IQCK: variants seen among roughly 807,000 people sequenced by gnomAD.
IQCK encodes the protein IQ motif containing K, also known as IQ domain-containing protein K.
In IQCK, 29 loss-of-function variants were observed where a neutral mutation model predicts 28.1. That is an observed-to-expected ratio of 1.03 (90% CI 0.77 to 1.41). The LOEUF is 1.41. Among genes scored for constraint, IQCK ranks in the 40% most tolerant of loss-of-function variants. The probability of loss-of-function intolerance (pLI) is 0.00; values close to 1 mark genes in which losing one functional copy is unlikely to be tolerated. For synonymous variants in IQCK, 113 were observed against 115.1 expected, an observed-to-expected ratio of 0.98 and a Z score of 0.12; for missense variants, 359 against 314.7, an observed-to-expected ratio of 1.14 and a Z score of -1.07.
intron 9 of IQCK, among the ~76,000 whole-genome samples, chr16:19,844,698 T>A (rs1362561186): frequency 2.0e-5 from 3 of 152,178 alleles, no homozygotes; most frequent in African/African-American, 7.2e-5. Context: ...CGGTTGAAAC[T>A]CAAAGGATGT....
At chr16:19,833,403 A>AT (rs2056257160) in intron 9 of IQCK, among the ~76,000 whole-genome samples, 1 of 152,202 alleles carries the variant, frequency 6.6e-6, no homozygotes, top group African/African-American at 2.4e-5. Context: ...GGCCTCAAAA[A>AT]TGTTCCTATA....
At chr16:19,821,285 T>C (rs931419087) in intron 7 of IQCK, among the ~76,000 whole-genome samples, 2 of 152,366 alleles carry the variant, frequency 1.3e-5, no homozygotes, top group Non-Finnish European at 1.5e-5. Flanking sequence ...CCTCATTCAT[T>C]GCTGGTGAGA....
intron 6 of IQCK, among the ~76,000 whole-genome samples, chr16:19,774,397 A>G (rs893471613): frequency 1.7e-5 from 2 of 120,498 alleles, no homozygotes; most frequent in African/African-American, 3.8e-5. Context: ...TTTAGCTAAT[A>G]CTTTTTTTTT....
intron 1 of IQCK, among the ~76,000 whole-genome samples, chr16:19,728,334 C>T (rs751374283): frequency 3.9e-5 from 6 of 152,100 alleles, no homozygotes; most frequent in Admixed American, 6.6e-5. Flanking sequence ...CTGCAACCTC[C>T]ACCTCCCTGG....
intron 6 of IQCK, among the ~76,000 whole-genome samples, chr16:19,773,805 T>G (rs60593225): frequency 0.069 from 10,556 of 152,126 alleles, 1,188 homozygotes; most frequent in African/African-American, 0.23. Context: ...AAAACCAACA[T>G]AATTAGAAGT....
intron 9 of IQCK, among the ~76,000 whole-genome samples, chr16:19,853,632 C>CTTT (rs2056514506): frequency 6.6e-6 from 1 of 152,092 alleles, no homozygotes; most frequent in African/African-American, 2.4e-5. Context: ...AGCTATCTCT[C>CTTT]TCTCTCTTTT....
intron 9 of IQCK, among the ~76,000 whole-genome samples, chr16:19,844,587 A>G (rs753729286): frequency 1.6e-4 from 24 of 152,206 alleles, no homozygotes; most frequent in African/African-American, 2.2e-4. Flanking sequence ...CTAAAAATGT[A>G]GCTTTGTTTG....
chr16:19,772,457 T>A (rs2055332245), intron 6 of IQCK, among the ~76,000 whole-genome samples: 1 of 152,114 alleles, frequency 6.6e-6, no homozygotes, highest in African/African-American at 2.4e-5. Flanking sequence ...ATTAAAAAAT[T>A]ATTATTTAAG....
chr16:19,809,785 G>A (rs750738454), intron 7 of IQCK, among the ~76,000 whole-genome samples: 8 of 152,162 alleles, frequency 5.3e-5, no homozygotes, highest in South Asian at 2.1e-4. Context: ...ACACACAGCC[G>A]ATGGGCCCCA....
At chr16:19,848,378 T>A (rs1468375607) in intron 9 of IQCK, among the ~76,000 whole-genome samples, 1 of 152,258 alleles carries the variant, frequency 6.6e-6, no homozygotes, top group Non-Finnish European at 1.5e-5. Context: ...ACCCATGCTC[T>A]GAGTTTGGGG....
chr16:19,843,326 AC>A (rs991442834), intron 9 of IQCK, among the ~76,000 whole-genome samples: 1 of 151,974 alleles, frequency 6.6e-6, no homozygotes, highest in African/African-American at 2.4e-5. Context: ...CATTTTCATC[AC>A]CCCCAGAAGA....
intron 1 of IQCK, 59 bp downstream of exon 1, chr16:19,718,546 T>A (rs1977339923): frequency 3.5e-6 from 5 of 1,431,698 alleles, no homozygotes; most frequent in South Asian, 1.4e-5. Flanking sequence ...GGGGGCCGCG[T>A]TTGGGGAGCG....
intron 9 of IQCK, among the ~76,000 whole-genome samples, chr16:19,836,142 T>C (rs2056293688): frequency 6.6e-6 from 1 of 152,268 alleles, no homozygotes; most frequent in African/African-American, 2.4e-5. Context: ...GATAGGACCA[T>C]GGCTCCTTCA....
intron 7 of IQCK, among the ~76,000 whole-genome samples, chr16:19,791,507 CCCAGTATGTAA>C (rs1382690133): frequency 1.8e-5 from 2 of 112,072 alleles, no homozygotes; most frequent in Non-Finnish European, 3.1e-5. Context: ...TACCCAGAAG[CCCAGTATGTAA>C]CCAGTATGTA....
chr16:19,739,286 C>CT lies in IQCK; in HGVS notation c.474+3839dup, dbSNP rs1399028153. On this transcript the variant is annotated intron_variant, in intron 4 of 7. Coordinates refer to ENST00000564186, the Ensembl canonical transcript of IQCK. ...AAATCTGGGGACCTCAGTCCCCACT[C>CT]TTTCTCCTGATGTGCTACTACAGTC... 1.5e-4 allele frequency among the ~76,000 whole-genome samples: 23 copies of CT among 152,342 alleles called. No individual in the cohort carries two copies. The East Asian group carries it at 4.4e-3, about 29-fold the overall frequency.
At chr16:19,849,449 G>T (rs1182594240) in intron 9 of IQCK, among the ~76,000 whole-genome samples, 1 of 151,786 alleles carries the variant, frequency 6.6e-6, no homozygotes, top group Non-Finnish European at 1.5e-5. Flanking sequence ...ATTTTAAAAA[G>T]TAAACTTTTT....
In IQCK at chr16:19,807,024, A is replaced by G. The variant is rs190987834; in HGVS notation, c.690+18102A>G. Reference sequence around the variant, plus strand: ...GTGGCAGTAGAATATGGCAGAAATAATGGTGTGCCACATCCAAGATTAGGT... The same window carrying G: ...GTGGCAGTAGAATATGGCAGAAATAGTGGTGTGCCACATCCAAGATTAGGT... On this transcript the variant is annotated intron_variant, in intron 7 of 7. Coordinates refer to ENST00000564186, the Ensembl canonical transcript of IQCK. 3.6e-3 allele frequency among the ~76,000 whole-genome samples: 549 copies of G among 152,334 alleles called. 2 individuals are homozygous for G. Among genetic ancestry groups the G allele is most frequent in the African/African-American group, 0.012 (504 of 41,576 alleles).
intron 4 of IQCK, 87 bp downstream of exon 4, chr16:19,735,537 G>C: frequency 2.6e-6 from 3 of 1,142,778 alleles, no homozygotes; most frequent in East Asian, 2.4e-5. Flanking sequence ...GGTACCATCA[G>C]GTTGTTCTCC....
chr16:19,762,401 A>G (rs1302050783), intron 4 of IQCK, among the ~76,000 whole-genome samples: 3 of 152,210 alleles, frequency 2.0e-5, no homozygotes, highest in African/African-American at 7.2e-5. Context: ...AGAGAATCAC[A>G]GTCTAAATTT....
Sources: allele counts gnomAD v4.1 joint callset (sites outside exome capture counted in the v4.1 genomes callset), GRCh38; gene constraint gnomAD v4.1.1; transcripts MANE v1.5; gene names NCBI Gene and HGNC (gene_info 2026-07-23, HGNC 2026-07-21).